ROCK1: variants seen among roughly 807,000 people sequenced by gnomAD.
ROCK1 encodes the protein rho-associated protein kinase 1.
ROCK1 carries 36 observed loss-of-function variants against 196.8 expected under a neutral mutation model. That is an observed-to-expected ratio of 0.18 (90% CI 0.14 to 0.24). The LOEUF (loss-of-function observed/expected upper bound fraction) is 0.24, where lower values mean the gene tolerates loss of function less well. Ranked by LOEUF, ROCK1 falls within the 10% of genes least tolerant of loss-of-function variation. ROCK1 has a pLI of 1.00. For missense variants in ROCK1, 920 were observed against 1,562.0 expected (o/e 0.59, Z 6.93); for synonymous variants, 443 against 515.9 (o/e 0.86, Z 1.91).
Position 21,047,753 on chromosome 18 carries a change from G to A in ROCK1, c.414+1339C>T, listed in dbSNP as rs529703075. Among the ~76,000 whole-genome samples, 9 of 150,980 alleles carry A rather than the reference G, an allele frequency of 6.0e-5. No homozygotes were observed. The South Asian group carries it at 1.3e-3, about 21-fold the overall frequency. On this transcript the variant is annotated intron_variant, in intron 4 of 32. Transcript: ENST00000399799. ...AGCTTGCTTGCAGTGAGCCGAGATC[G>A]CACCATTGCACTCCGGCCTGGGCGA...
intron 2 of ROCK1, among the ~76,000 whole-genome samples, chr18:21,061,999 GT>G (rs1288398589): frequency 6.6e-6 from 1 of 152,290 alleles, no homozygotes; most frequent in East Asian, 1.9e-4. Context: ...GTCTAAACAC[GT>G]TTAACATGTG....
intron 27 of ROCK1, among the ~76,000 whole-genome samples, chr18:20,964,854 G>C (rs947875384): frequency 6.6e-6 from 1 of 152,134 alleles, no homozygotes; most frequent in Non-Finnish European, 1.5e-5. Context: ...ATGGCACTAT[G>C]AGCTTAGCCT....
At chr18:20,962,903 T>C (rs2035340327) in intron 27 of ROCK1, among the ~76,000 whole-genome samples, 1 of 152,158 alleles carries the variant, frequency 6.6e-6, no homozygotes, top group Non-Finnish European at 1.5e-5. Context: ...CTGCGTTTCC[T>C]TTCCTTACGC....
intron 22 of ROCK1, among the ~76,000 whole-genome samples, chr18:20,974,398 C>T (rs145919592): frequency 2.6e-5 from 4 of 152,262 alleles, no homozygotes; most frequent in East Asian, 1.9e-4. Flanking sequence ...TTCAGGTTCA[C>T]GACATGTTCT....
chr18:21,025,560 A>C (rs2035948686), intron 10 of ROCK1, among the ~76,000 whole-genome samples: 1 of 152,042 alleles, frequency 6.6e-6, no homozygotes, highest in African/African-American at 2.4e-5. Flanking sequence ...AACATGGCAA[A>C]ACCCCATCTC....
chr18:20,993,878 TTTTGTAATTCAAAGTGGCCTAGGA>T, intron 16 of ROCK1, among the ~76,000 whole-genome samples: 1 of 152,226 alleles, frequency 6.6e-6, no homozygotes. Flanking sequence ...TATTTTCATA[TTTTGTAATTCAAAGTGGCCTAGGA>T]TTTGACAAGG....
intron 2 of ROCK1, among the ~76,000 whole-genome samples, chr18:21,061,835 G>T (rs1239405722): frequency 1.3e-5 from 2 of 152,166 alleles, no homozygotes; most frequent in East Asian, 1.9e-4. Flanking sequence ...TTCTCACAGG[G>T]TGTATGGTTT....
chr18:21,071,718 T>C (rs917816738), intron 1 of ROCK1, among the ~76,000 whole-genome samples: 9 of 152,124 alleles, frequency 5.9e-5, no homozygotes, highest in African/African-American at 2.2e-4. Context: ...GCGTGATGCT[T>C]AATAATGTAA....
In ROCK1 at chr18:20,987,012, G is replaced by T. The variant is rs1388001664; in HGVS notation, c.2242C>A (p.Leu748Met). The change falls in exon 19 of 33, where the codon CTG becomes ATG. Residue 748 changes from leucine (L) to methionine (M), a missense_variant. By Grantham distance (15) the Leu-to-Met change is conservative (BLOSUM62 2). Transcript: ENST00000399799. ...TCTAGTTTCTGCTGAGATTGCTTCA[G>T]ATCAACGTCTAGCATGGAACACTGT... ...EKQCSMLDVD[L>M]KQSQQKLEHL... is the part of the protein sequence containing the mutation. 9 of 1,610,746 alleles carry T rather than the reference G, an allele frequency of 5.6e-6. No homozygotes were observed. The highest frequency in any genetic ancestry group is 7.6e-6 in the Non-Finnish European group (9 of 1,179,022).
intron 2 of ROCK1, among the ~76,000 whole-genome samples, chr18:21,058,747 T>G (rs1434989245): frequency 6.6e-6 from 1 of 152,086 alleles, no homozygotes; most frequent in Admixed American, 6.5e-5. Context: ...GCACAACTAA[T>G]TTTTGTATTT....
chr18:21,034,724 T>C (rs771456721), intron 9 of ROCK1, among the ~76,000 whole-genome samples: 3 of 152,162 alleles, frequency 2.0e-5, no homozygotes, highest in Non-Finnish European at 2.9e-5. Flanking sequence ...TTTCATGACA[T>C]TGGATTTGGC....
Position 20,958,842 on chromosome 18 carries a change from CTAT to C in ROCK1, c.3512+995_3512+997del, listed in dbSNP as rs536711806. Reference sequence around the variant, plus strand: ...TATACTGTATTTTTTAAAGAAATTTCTATTATTAATAGTTATAAAATATATATA... The same window carrying C: ...TATACTGTATTTTTTAAAGAAATTTCTATTAATAGTTATAAAATATATATA... On this transcript the variant is annotated intron_variant, in intron 29 of 32. Transcript: ENST00000399799. Among the ~76,000 whole-genome samples the C allele has an allele frequency of 7.2e-3, 949 of 131,394 alleles. 12 individuals carry two copies. Among genetic ancestry groups the C allele is most frequent in the African/African-American group, 0.024 (838 of 35,458 alleles). The allele number at this position is 131,394 out of a possible 152,430, so 86.2% of individuals were successfully genotyped here. A position where few individuals can be genotyped will look rare whatever the true frequency, so the allele number is the denominator to read the frequency against.
chr18:21,050,503 A>AGG (rs1281719457), intron 2 of ROCK1, among the ~76,000 whole-genome samples: 4 of 152,136 alleles, frequency 2.6e-5, no homozygotes, highest in African/African-American at 9.7e-5. Context: ...ATAATTCACA[A>AGG]ATCCCCACTG....
At chr18:21,097,001 T>C (rs1343449068) in intron 1 of ROCK1, among the ~76,000 whole-genome samples, 2 of 151,936 alleles carry the variant, frequency 1.3e-5, no homozygotes, top group East Asian at 3.9e-4. Context: ...GATGAGAAAA[T>C]TGTGTGAGGA....
chr18:20,967,743 A>T lies in ROCK1; in HGVS notation c.3192+9T>A. On this transcript the variant is annotated intron_variant, in intron 26 of 32. Coordinates refer to ENST00000399799, the MANE Select transcript of ROCK1 (RefSeq NM_005406.3). ...CACACTCATATCCATACACACACAG[A>T]AACCTTACCGCTTGCATGTCATTCA... is the stretch of plus-strand genomic sequence containing the variant. 1 of 1,579,584 alleles carries T rather than the reference A, an allele frequency of 6.3e-7. No individual in the cohort carries two copies. The highest frequency in any genetic ancestry group is 8.6e-7 in the Non-Finnish European group (1 of 1,166,086).
intron 16 of ROCK1, among the ~76,000 whole-genome samples, chr18:20,996,291 A>G (rs2035669803): frequency 6.6e-6 from 1 of 152,212 alleles, no homozygotes; most frequent in Non-Finnish European, 1.5e-5. Flanking sequence ...AGAATGCATC[A>G]GGGTCTCTTA....
At chr18:20,968,459 A>C (rs2035395269) in intron 25 of ROCK1, 1 of 234,522 alleles carries the variant, frequency 4.3e-6, no homozygotes, top group Non-Finnish European at 8.2e-6. Flanking sequence ...GGAGCGCACC[A>C]CCACGCCCGG....
At chr18:21,098,479 T>C (rs2036629935) in intron 1 of ROCK1, among the ~76,000 whole-genome samples, 2 of 151,882 alleles carry the variant, frequency 1.3e-5, no homozygotes, top group Admixed American at 1.3e-4. Flanking sequence ...TCAGAGAAAA[T>C]ATGGATGAAT....
At chr18:20,958,243 G>GTAT (rs1350035212) in intron 29 of ROCK1, among the ~76,000 whole-genome samples, 2 of 151,866 alleles carry the variant, frequency 1.3e-5, no homozygotes, top group African/African-American at 4.8e-5. Context: ...TAAAGAAAGA[G>GTAT]TATTCTCTAG....
Sources: allele counts gnomAD v4.1 joint callset (sites outside exome capture counted in the v4.1 genomes callset), GRCh38; gene constraint gnomAD v4.1.1; transcripts MANE v1.5; gene names NCBI Gene and HGNC (gene_info 2026-07-23, HGNC 2026-07-21).